The following SLCO3A1 variants were observed in gnomAD, a reference collection of about 807,000 sequenced individuals.
SLCO3A1 encodes PGE1 transporter.
A neutral mutation model predicts 63.1 loss-of-function variants in SLCO3A1; 27 were observed. The observed-to-expected ratio is 0.43, with a 90% CI of 0.32 to 0.59. The LOEUF (loss-of-function observed/expected upper bound fraction) is 0.59, where lower values mean the gene tolerates loss of function less well. Ranked by LOEUF, SLCO3A1 falls within the 20% of genes least tolerant of loss-of-function variation. SLCO3A1 has a pLI of 0.09. For synonymous variants in SLCO3A1, 473 were observed against 409.9 expected (o/e 1.15, Z -1.86); for missense variants, 773 against 945.8 (o/e 0.82, Z 2.40).
At chr15:91,921,879 G>A (rs1412469992) in intron 2 of SLCO3A1, among the ~76,000 whole-genome samples, 1 of 151,966 alleles carries the variant, frequency 6.6e-6, no homozygotes, top group African/African-American at 2.4e-5. Context: ...ATAGGTGCCT[G>A]CCACCACACC....
intron 2 of SLCO3A1, among the ~76,000 whole-genome samples, chr15:91,929,782 C>T (rs1253592961): frequency 6.6e-6 from 1 of 152,180 alleles, no homozygotes; most frequent in East Asian, 1.9e-4. Flanking sequence ...CAGATAAGAT[C>T]GTAGAGTATC....
intron 6 of SLCO3A1, 100 bp downstream of exon 6, chr15:92,126,359 T>C: frequency 2.1e-6 from 2 of 941,144 alleles, no homozygotes; most frequent in African/African-American, 1.6e-5. Context: ...CCTAGTGACC[T>C]GAGGAGACGC....
chr15:92,080,559 G>T (rs1454134275), intron 2 of SLCO3A1, among the ~76,000 whole-genome samples: 1 of 152,132 alleles, frequency 6.6e-6, no homozygotes, highest in Non-Finnish European at 1.5e-5. Flanking sequence ...AGTTTTTGAT[G>T]CACCGCTAGG....
chr15:91,986,434 A>C (rs1002649207), intron 2 of SLCO3A1, among the ~76,000 whole-genome samples: 4 of 152,092 alleles, frequency 2.6e-5, no homozygotes, highest in African/African-American at 9.7e-5. Flanking sequence ...GAAAGGTAGT[A>C]TGAGTGACAG....
intron 2 of SLCO3A1, among the ~76,000 whole-genome samples, chr15:92,066,784 C>T (rs2047157672): frequency 6.6e-6 from 1 of 152,212 alleles, no homozygotes; most frequent in East Asian, 1.9e-4. Flanking sequence ...TCATCAGTGT[C>T]ACCATCACTG....
At chr15:91,979,665 C>T (rs1403452620) in intron 2 of SLCO3A1, among the ~76,000 whole-genome samples, 2 of 152,152 alleles carry the variant, frequency 1.3e-5, no homozygotes, top group Non-Finnish European at 2.9e-5. Context: ...GCTATGTGAC[C>T]TTGAGCAAGA....
At position 92,033,753 on chromosome 15, in the gene SLCO3A1, C is replaced by A. The variant is rs750316459; in HGVS notation, c.647-61128C>A. Among the ~76,000 whole-genome samples the A allele has an allele frequency of 6.6e-6, 1 of 151,998 alleles. No homozygotes were observed. The highest frequency in any genetic ancestry group is 6.5e-5 in the Admixed American group (1 of 15,270). ...AGACGGGGATAGGAGTGTTGGGAGT[C>A]GTACAGTTTTAGTGTCAGAGGGGCA... is the stretch of plus-strand genomic sequence containing the variant. On this transcript the variant is annotated intron_variant, in intron 2 of 9. Coordinates refer to ENST00000318445, the MANE Select transcript of SLCO3A1 (RefSeq NM_013272.4). The surrounding 1 kb of genome is among the most constrained non-coding windows in gnomAD (Gnocchi z 4.5).
In SLCO3A1 at chr15:92,047,592, T is replaced by TATATAAATATATATATA. The variant is rs1555427742; in HGVS notation, c.647-47288_647-47287insTATAAATATATATATAA. ...TATAAATATATATATAATATATATA[T>TATATAAATATATATATA]AATATATAATATATATATAATATAT... On this transcript the variant is annotated intron_variant, in intron 2 of 9. Coordinates refer to ENST00000318445, the MANE Select transcript of SLCO3A1 (RefSeq NM_013272.4). Among the ~76,000 whole-genome samples, 11 of 22,778 alleles carry TATATAAATATATATATA rather than the reference T, an allele frequency of 4.8e-4. 4 individuals are homozygous for TATATAAATATATATATA. The highest frequency in any genetic ancestry group is 5.8e-4 in the Non-Finnish European group (8 of 13,782). 14.9% of individuals were successfully genotyped at this position (22,778 alleles called of 152,430 possible).
At chr15:92,149,813 A>G (rs968123970) in intron 8 of SLCO3A1, 2 of 152,240 alleles carry the variant, frequency 1.3e-5, no homozygotes, top group African/African-American at 4.8e-5. Context: ...CAGGTGATAA[A>G]TATTCTAACT....
chr15:92,041,936 A>G (rs553670706), intron 2 of SLCO3A1, among the ~76,000 whole-genome samples: 3 of 149,628 alleles, frequency 2.0e-5, no homozygotes, highest in South Asian at 4.3e-4. Context: ...GGCAGGAAGT[A>G]TGGTGGGGGT....
chr15:92,053,760 G>C (rs955116024), intron 2 of SLCO3A1, among the ~76,000 whole-genome samples: 2 of 151,150 alleles, frequency 1.3e-5, no homozygotes, highest in Non-Finnish European at 2.9e-5. Context: ...GAAGGACACA[G>C]AGGTAAATTG....
intron 2 of SLCO3A1, among the ~76,000 whole-genome samples, chr15:92,046,435 C>G (rs191727346): frequency 6.6e-6 from 1 of 152,032 alleles, no homozygotes; most frequent in Non-Finnish European, 1.5e-5. Flanking sequence ...GAGGCTGAGG[C>G]AGGAGAATCG....
intron 4 of SLCO3A1, 26 bp downstream of exon 4, chr15:92,104,568 C>T: frequency 6.2e-7 from 1 of 1,604,698 alleles, no homozygotes; most frequent in South Asian, 1.1e-5. Flanking sequence ...TCTGCCTCTG[C>T]TCAGAACAGT....
At chr15:92,094,807 C>T in intron 2 of SLCO3A1, 74 bp from the exon 3 acceptor site, 1 of 929,318 alleles carries the variant, frequency 1.1e-6, no homozygotes, top group Non-Finnish European at 1.8e-6. Context: ...AAAATAATCT[C>T]CTTGACCTTT....
chr15:91,983,401 A>G (rs981605810), intron 2 of SLCO3A1, among the ~76,000 whole-genome samples: 6 of 152,218 alleles, frequency 3.9e-5, no homozygotes, highest in Non-Finnish European at 8.8e-5. Flanking sequence ...GAGGAGAGCC[A>G]GGTCCATATC....
At chr15:92,026,094 G>A (rs899243288) in intron 2 of SLCO3A1, among the ~76,000 whole-genome samples, 4 of 152,268 alleles carry the variant, frequency 2.6e-5, no homozygotes, top group South Asian at 2.1e-4. Context: ...TACCCTGCAC[G>A]TGTCCAAGCC....
chr15:92,153,222 T>G (rs1567150507), intron 9 of SLCO3A1, among the ~76,000 whole-genome samples: 1 of 151,410 alleles, frequency 6.6e-6, no homozygotes. Flanking sequence ...CACATGCCTA[T>G]GCCTAGATAC....
intron 6 of SLCO3A1, 63 bp downstream of exon 6, chr15:92,126,322 C>T: frequency 7.0e-7 from 1 of 1,437,814 alleles, no homozygotes; most frequent in South Asian, 1.2e-5. Context: ...TCTCCCTCTG[C>T]AGTAGGTTGA....
chr15:91,983,465 C>T (rs577718289), intron 2 of SLCO3A1, among the ~76,000 whole-genome samples: 3 of 152,286 alleles, frequency 2.0e-5, no homozygotes, highest in South Asian at 2.1e-4. Context: ...CCTACCTAAA[C>T]GAGCCTTGGA....
Sources: allele counts gnomAD v4.1 joint callset (sites outside exome capture counted in the v4.1 genomes callset), GRCh38; gene constraint gnomAD v4.1.1; non-coding constraint Gnocchi (gnomAD v3.1); transcripts MANE v1.5; gene names NCBI Gene and HGNC (gene_info 2026-07-23, HGNC 2026-07-21).